Variants in FMN2 observed in about 807,000 individuals in gnomAD.
FMN2 encodes formin-2.
A neutral mutation model predicts 142.3 loss-of-function variants in FMN2; 51 were observed. The ratio of observed to expected loss-of-function variants is 0.36; its 90% CI spans 0.29 to 0.45. The LOEUF (loss-of-function observed/expected upper bound fraction) is 0.45, where lower values mean the gene tolerates loss of function less well. Ranked by LOEUF, FMN2 falls within the 20% of genes least tolerant of loss-of-function variation. The pLI, the probability that FMN2 is intolerant of heterozygous loss-of-function variation, is 1.00. For synonymous variants in FMN2, 882 were observed against 869.8 expected (o/e 1.01, Z -0.25); for missense variants, 1,936 against 2,122.8 (o/e 0.91, Z 1.73).
At chr1:240,403,945 C>T (rs1323716390) in intron 15 of FMN2, among the ~76,000 whole-genome samples, 2 of 152,068 alleles carry the variant, frequency 1.3e-5, no homozygotes, top group African/African-American at 4.8e-5. Flanking sequence ...TGGAAGAACG[C>T]ATATTTGTAG....
At chr1:240,160,721 T>C (rs1030709279) in intron 2 of FMN2, among the ~76,000 whole-genome samples, 3 of 151,978 alleles carry the variant, frequency 2.0e-5, no homozygotes, top group Non-Finnish European at 2.9e-5. Flanking sequence ...ATGCCACTAT[T>C]ACCACTCTGT....
chr1:240,262,865 A>C (rs533856399), intron 7 of FMN2, among the ~76,000 whole-genome samples: 4 of 151,126 alleles, frequency 2.6e-5, no homozygotes, highest in Non-Finnish European at 4.4e-5. Flanking sequence ...GGTTCAAGCA[A>C]TTCTTATCCC....
intron 6 of FMN2, among the ~76,000 whole-genome samples, chr1:240,241,825 C>CTTCT (rs1667908718): frequency 3.1e-5 from 3 of 96,200 alleles, no homozygotes; most frequent in South Asian, 7.0e-4. Flanking sequence ...GTGTGCCTTG[C>CTTCT]TTTTTTTTTT....
rs530044911 is a variant in FMN2 at position 240,378,740 on chromosome 1, C to A, written c.4859-13771C>A. ...TTTTCCTCTGCAGTGTCTAATCTTACGTGATTTCCATTCAGTGGACTTTTT... is the reference window on the plus strand; with the variant it reads ...TTTTCCTCTGCAGTGTCTAATCTTAAGTGATTTCCATTCAGTGGACTTTTT... On this transcript the variant is annotated intron_variant, in intron 14 of 17. Coordinates refer to ENST00000319653, the MANE Select transcript of FMN2 (RefSeq NM_020066.5). 3.3e-5 allele frequency among the ~76,000 whole-genome samples: 5 copies of A among 152,152 alleles called. No individual in the cohort carries two copies. In the South Asian group the frequency reaches 1.0e-3, roughly 32 times the overall value.
chr1:240,143,367 T>C, intron 2 of FMN2: 1 of 1,458,026 alleles, frequency 6.9e-7, no homozygotes, highest in Non-Finnish European at 9.6e-7. Flanking sequence ...GGCCAAAGGT[T>C]CATAGTGCCG....
At position 240,123,356 on chromosome 1, in the gene FMN2, G is replaced by A. The variant is rs202152569; in HGVS notation, c.1782+11G>A. 1 of 1,611,070 alleles carries A rather than the reference G, an allele frequency of 6.2e-7. No homozygotes were observed. Among genetic ancestry groups the A allele is most frequent in the African/African-American group, 1.3e-5 (1 of 74,926 alleles). On this transcript the variant is annotated intron_variant, in intron 2 of 17. Transcript: ENST00000319653. ...GCAGCTTCGTTTGATGTAAGTAGGA[G>A]AATTCACTTCTGTCCGTGAGGCAGA...
At chr1:240,213,478 T>C (rs1437791764) in intron 6 of FMN2, among the ~76,000 whole-genome samples, 2 of 152,154 alleles carry the variant, frequency 1.3e-5, no homozygotes, top group South Asian at 2.1e-4. Context: ...CATAGTTTTA[T>C]TTAACTTCAT....
intron 8 of FMN2, among the ~76,000 whole-genome samples, chr1:240,295,387 A>C (rs1187056921): frequency 6.6e-6 from 1 of 152,204 alleles, no homozygotes. Context: ...TAAGATCTCT[A>C]GAAGTTATTC....
intron 3 of FMN2, among the ~76,000 whole-genome samples, chr1:240,181,534 G>GTCT (rs1000732960): frequency 1.3e-5 from 2 of 152,192 alleles, no homozygotes; most frequent in African/African-American, 4.8e-5. Context: ...CCATGGTGAG[G>GTCT]TCTTGGTGCC....
In FMN2 at chr1:240,092,142, C is replaced by A. The variant is rs914160673; in HGVS notation, c.33C>A (p.Ser11Arg). 1 of 1,563,784 alleles carries A rather than the reference C, an allele frequency of 6.4e-7. No homozygotes were observed. The highest frequency in any genetic ancestry group is 8.7e-7 in the Non-Finnish European group (1 of 1,154,592). Reference sequence around the variant, plus strand: ...ACCAGGATGGGAAGCTGAAGAGGAGCGCAGGTGATGCTTTGCACGAAGGCG... The same window carrying A: ...ACCAGGATGGGAAGCTGAAGAGGAGAGCAGGTGATGCTTTGCACGAAGGCG... MGNQDGKLKR[S>R]AGDALHEGGG... Residue 11 changes from serine to arginine, a missense_variant, in exon 1 of 18, where the codon AGC becomes AGA. By Grantham distance (110) the Ser-to-Arg change is moderately radical. This residue lies in a region of FMN2 where 751 missense variants were observed against 791.8 expected (regional missense o/e 0.95). Transcript: ENST00000319653.
intron 2 of FMN2, chr1:240,154,756 C>A (rs1187795632): frequency 6.6e-6 from 1 of 152,176 alleles, no homozygotes; most frequent in East Asian, 1.9e-4. Flanking sequence ...AAATAACTCA[C>A]TACCCTTGGA....
intron 4 of FMN2, among the ~76,000 whole-genome samples, chr1:240,193,610 C>T (rs1482017715): frequency 1.3e-5 from 2 of 152,158 alleles, no homozygotes; most frequent in South Asian, 2.1e-4. Flanking sequence ...CAGGGAGAAG[C>T]GCAATAGTCC....
chr1:240,318,964 C>T, intron 8 of FMN2, among the ~76,000 whole-genome samples: 1 of 152,068 alleles, frequency 6.6e-6, no homozygotes, highest in East Asian at 1.9e-4. Context: ...GAAAACCTGA[C>T]TTGATTTTGA....
At chr1:240,273,191 T>C (rs900241672) in intron 7 of FMN2, among the ~76,000 whole-genome samples, 2 of 152,216 alleles carry the variant, frequency 1.3e-5, no homozygotes, top group Admixed American at 6.6e-5. Context: ...AAATAGATTG[T>C]CTGCAAGATT....
intron 6 of FMN2, among the ~76,000 whole-genome samples, chr1:240,257,315 C>T (rs1008281364): frequency 5.3e-5 from 8 of 152,184 alleles, no homozygotes; most frequent in Non-Finnish European, 1.0e-4. Context: ...CTGATGCAGC[C>T]CTTTTAATTT....
intron 15 of FMN2, among the ~76,000 whole-genome samples, chr1:240,425,226 A>AGAGAGAGAGAGAGAGAGAGAGAGAGC (rs1441315409): frequency 2.8e-4 from 42 of 151,866 alleles, no homozygotes; most frequent in African/African-American, 8.2e-4. Flanking sequence ...AGAGAGAGAG[A>AGAGAGAGAGAGAGAGAGAGAGAGAGC]GAGAGAGAGC....
chr1:240,251,771 C>G (rs561376693), intron 6 of FMN2, among the ~76,000 whole-genome samples: 2 of 152,296 alleles, frequency 1.3e-5, no homozygotes, highest in East Asian at 3.9e-4. Flanking sequence ...CAATCATCCT[C>G]TTGCTGAATT....
chr1:240,465,380 G>C (rs867089792), intron 16 of FMN2, among the ~76,000 whole-genome samples: 1,621 of 105,508 alleles, frequency 0.015, 20 homozygotes, highest in Middle Eastern at 0.059. Flanking sequence ...GTGTGTGTGT[G>C]TGTGTGTCTG....
chr1:240,359,069 G>A (rs1672377418), intron 14 of FMN2, among the ~76,000 whole-genome samples: 1 of 152,096 alleles, frequency 6.6e-6, no homozygotes, highest in Non-Finnish European at 1.5e-5. Context: ...AGGTTGCAGT[G>A]AGCCGAGATT....
Sources: allele counts gnomAD v4.1 joint callset (sites outside exome capture counted in the v4.1 genomes callset), GRCh38; gene constraint gnomAD v4.1.1; regional missense constraint gnomAD v4.1.1; transcripts MANE v1.5; gene names NCBI Gene and HGNC (gene_info 2026-07-23, HGNC 2026-07-21).